Variants in HMGA2 observed in about 807,000 individuals in gnomAD.
HMGA2 encodes high mobility group protein HMGI-C.
In HMGA2, 8 loss-of-function variants were observed where a neutral mutation model predicts 19.1. The observed-to-expected ratio is 0.42, with a 90% confidence interval of 0.25 to 0.76. The LOEUF (loss-of-function observed/expected upper bound fraction) is 0.76. Ranked by LOEUF, HMGA2 falls within the 30% of genes least tolerant of loss-of-function variation. The pLI is 0.28. For synonymous variants in HMGA2, 60 were observed against 48.8 expected (o/e 1.23, Z -0.96); for missense variants, 109 against 136.3 (o/e 0.80, Z 1.00).
intron 4 of HMGA2, chr12:65,952,426 C>G: frequency 6.5e-7 from 1 of 1,534,274 alleles, no homozygotes; most frequent in Non-Finnish European, 8.7e-7. Flanking sequence ...AAAAATGCCA[C>G]TTAGAAGAGA....
chr12:65,864,520 C>T (rs1872281176), intron 3 of HMGA2, among the ~76,000 whole-genome samples: 1 of 152,164 alleles, frequency 6.6e-6, no homozygotes, highest in Non-Finnish European at 1.5e-5. Flanking sequence ...AGATAGCACA[C>T]ATTCACCTTG....
At chr12:65,854,628 T>G (rs913921723) in intron 3 of HMGA2, among the ~76,000 whole-genome samples, 1 of 152,216 alleles carries the variant, frequency 6.6e-6, no homozygotes, top group Non-Finnish European at 1.5e-5. Flanking sequence ...GTTTGTTACA[T>G]AGGTAAATGT....
rs1870074342 is a variant in HMGA2, at chr12:65,825,051, C to T, written c.-220C>T. On this transcript the variant is annotated 5_prime_UTR_variant, in exon 1 of 5. Coordinates refer to ENST00000403681, the MANE Select transcript of HMGA2 (RefSeq NM_003483.6). This position sits in a 1 kb window ranked among gnomAD's most constrained non-coding sequence, Gnocchi z 4.4. ...ACCGGCAGCGCCTCCTCCTCTCCTC[C>T]TCCTCCTCCCCTCTTCTCTTTTTGG... 2 of 465,058 alleles carry T rather than the reference C, an allele frequency of 4.3e-6. No homozygotes were observed. The highest frequency in any genetic ancestry group is 7.6e-6 in the Non-Finnish European group (2 of 263,230). The allele number at this position is 465,058 out of a possible 1,614,324, so 28.8% of individuals were successfully genotyped here. A position where few individuals can be genotyped will look rare whatever the true frequency, so the allele number is the denominator to read the frequency against.
At chr12:65,905,458 T>G (rs1406072989) in intron 3 of HMGA2, among the ~76,000 whole-genome samples, 1 of 152,132 alleles carries the variant, frequency 6.6e-6, no homozygotes, top group African/African-American at 2.4e-5. Flanking sequence ...TTACCAATAT[T>G]CAAATATTTT....
intron 3 of HMGA2, among the ~76,000 whole-genome samples, chr12:65,864,700 A>G (rs919964012): frequency 1.3e-5 from 2 of 152,216 alleles, no homozygotes; most frequent in Non-Finnish European, 2.9e-5. Context: ...TAGTGTTTCC[A>G]TTTAACACAC....
chr12:65,959,524 C>G (rs1187541265), intron 4 of HMGA2, among the ~76,000 whole-genome samples: 1 of 152,190 alleles, frequency 6.6e-6, no homozygotes, highest in African/African-American at 2.4e-5. Flanking sequence ...TGTAAAGTAG[C>G]TGCATGATGG....
intron 3 of HMGA2, among the ~76,000 whole-genome samples, chr12:65,853,710 C>T (rs117693232): frequency 4.6e-5 from 7 of 152,314 alleles, no homozygotes; most frequent in Non-Finnish European, 1.0e-4. Flanking sequence ...GCATCCTCGC[C>T]GCACAGGGGT....
intron 3 of HMGA2, among the ~76,000 whole-genome samples, chr12:65,950,051 A>G (rs1044194013): frequency 1.3e-5 from 2 of 152,222 alleles, no homozygotes; most frequent in African/African-American, 4.8e-5. Context: ...ACAGGCAATA[A>G]CAAGCATTGG....
At chr12:65,903,292 A>T (rs1396122322) in intron 3 of HMGA2, among the ~76,000 whole-genome samples, 3 of 152,244 alleles carry the variant, frequency 2.0e-5, no homozygotes, top group Non-Finnish European at 4.4e-5. Flanking sequence ...TTTCCTAAAA[A>T]CAAATGCCAT....
intron 4 of HMGA2, among the ~76,000 whole-genome samples, chr12:65,961,856 G>A (rs1014930522): frequency 1.3e-5 from 2 of 152,022 alleles, no homozygotes; most frequent in East Asian, 3.9e-4. Context: ...ATCACACATG[G>A]TAGCATTTAG....
Position 65,825,495 on chromosome 12 carries a change from T to C in HMGA2, c.111+114T>C, listed in dbSNP as rs1357533553. The C allele has an allele frequency of 1.9e-6, 1 of 537,550 alleles. No homozygotes were observed. 33.3% of individuals were successfully genotyped at this position (537,550 alleles called of 1,614,324 possible). ...CCCAGTCGCCGCGGCCGTCGCACAC[T>C]GCCCGCCGGCCGGCCGGGGGGAGCG... On this transcript the variant is annotated intron_variant, in intron 1 of 4. Transcript: ENST00000403681. This position sits in a 1 kb window ranked among gnomAD's most constrained non-coding sequence, Gnocchi z 4.4.
At chr12:65,895,841 C>T (rs572621096) in intron 3 of HMGA2, among the ~76,000 whole-genome samples, 1 of 152,152 alleles carries the variant, frequency 6.6e-6, no homozygotes, top group African/African-American at 2.4e-5. Context: ...CTAGTACACT[C>T]GATTCAGTAT....
chr12:65,825,086 G>T lies in HMGA2; in HGVS notation c.-185G>T. The T allele has an allele frequency of 2.0e-6, 1 of 510,534 alleles. No individual in the cohort carries two copies. Among genetic ancestry groups the T allele is most frequent in the South Asian group, 2.6e-5 (1 of 37,742 alleles). 31.6% of individuals were successfully genotyped at this position (510,534 alleles called of 1,614,324 possible). On this transcript the variant is annotated 5_prime_UTR_variant, in exon 1 of 5. Transcript: ENST00000403681. The surrounding 1 kb of genome is among the most constrained non-coding windows in gnomAD (Gnocchi z 4.4). ...CCTCTTCTCTTTTTGGCAGCCGCTG[G>T]ACGTCCGGTGTTGATGGTGGCAGCG...
At chr12:65,855,372 C>A (rs1051687498) in intron 3 of HMGA2, among the ~76,000 whole-genome samples, 1 of 151,954 alleles carries the variant, frequency 6.6e-6, no homozygotes, top group Non-Finnish European at 1.5e-5. Context: ...TGTTTAGGTT[C>A]CCCAAATAAA....
intron 3 of HMGA2, among the ~76,000 whole-genome samples, chr12:65,948,119 G>T (rs1172590945): frequency 1.3e-5 from 2 of 152,114 alleles, no homozygotes; most frequent in African/African-American, 4.8e-5. Context: ...CTATGCCTTG[G>T]TTTCCCTGTG....
At chr12:65,878,852 T>A (rs1873200778) in intron 3 of HMGA2, among the ~76,000 whole-genome samples, 1 of 152,194 alleles carries the variant, frequency 6.6e-6, no homozygotes, top group Non-Finnish European at 1.5e-5. Flanking sequence ...TTCATACTAG[T>A]CGAAGATCAC....
rs71096056 is a variant in HMGA2, at chr12:65,875,589, A to ATTTTTTTTTTTTTTTTTTTTTT, written c.249+37040_249+37061dup. ...CGGGCATATGCCACCGTGCCCGGCT[A>ATTTTTTTTTTTTTTTTTTTTTT]TTTTTTTTTTTTTTTTTTTTTTTTT... is the stretch of plus-strand genomic sequence containing the variant. On this transcript the variant is annotated intron_variant, in intron 3 of 4. Transcript: ENST00000403681. Among the ~76,000 whole-genome samples the ATTTTTTTTTTTTTTTTTTTTTT allele has an allele frequency of 1.1e-4, 3 of 26,114 alleles. 1 individual carries two copies. The highest frequency in any genetic ancestry group is 1.7e-4 in the Non-Finnish European group (2 of 11,776). The allele number at this position is 26,114 out of a possible 152,430, so 17.1% of individuals were successfully genotyped here.
At chr12:65,880,843 C>T (rs928631365) in intron 3 of HMGA2, among the ~76,000 whole-genome samples, 15 of 152,120 alleles carry the variant, frequency 9.9e-5, no homozygotes, top group African/African-American at 3.6e-4. Context: ...TCATTAGGTA[C>T]CTTTCAAGAA....
At chr12:65,828,731 T>A (rs2612050) in intron 2 of HMGA2, 12 of 153,640 alleles carry the variant, frequency 7.8e-5, no homozygotes, top group Admixed American at 5.8e-4. Context: ...CATAGAAATG[T>A]CTGAATTGGA....
Sources: gnomAD v4.1 joint callset for allele counts (sites outside exome capture counted in the v4.1 genomes callset) on GRCh38, gnomAD v4.1.1 for gene constraint, Gnocchi (gnomAD v3.1) non-coding constraint, MANE v1.5 for transcripts, NCBI Gene and HGNC (gene_info 2026-07-23, HGNC 2026-07-21) for gene names.